The following PHB1 variants were observed in gnomAD, a reference collection of about 807,000 sequenced individuals.
PHB1 encodes prohibitin 1.
At chr17:49,405,091 C>T in the PHB1 span, 5 of 1,611,942 alleles carry the variant, frequency 3.1e-6, no homozygotes, top group East Asian at 8.9e-5. Context: ...CAGCTTCCAG[C>T]TTGCGCAGCT....
the PHB1 span, among the ~76,000 whole-genome samples, chr17:49,413,944 T>G: frequency 6.6e-6 from 1 of 152,064 alleles, no homozygotes. Context: ...CCTGGACAAG[T>G]AGGCCCCCAA....
chr17:49,411,488 G>A, the PHB1 span, among the ~76,000 whole-genome samples: 15 of 152,180 alleles, frequency 9.9e-5, no homozygotes, highest in South Asian at 2.3e-3. Flanking sequence ...ATGAACCACC[G>A]CACCCAGCCA....
At chr17:49,411,746 A>G in the PHB1 span, 8 of 1,614,032 alleles carry the variant, frequency 5.0e-6, no homozygotes, top group Non-Finnish European at 5.9e-6. Context: ...TGGTTTCTGT[A>G]CCCACGGGAT....
chr17:49,409,030 G>A, the PHB1 span: 27 of 1,552,342 alleles, frequency 1.7e-5, no homozygotes, highest in South Asian at 2.4e-5. Context: ...TCGGTCTCCC[G>A]AAGGATCTTA....
At chr17:49,413,342 G>GATTTTTT in the PHB1 span, 1 of 1,004,004 alleles carries the variant, frequency 1.0e-6, no homozygotes, top group Admixed American at 1.9e-5. Context: ...AATCCTCAGA[G>GATTTTTT]AAGGCCCTCT....
At chr17:49,411,895 G>A in the PHB1 span, 1 of 1,535,646 alleles carries the variant, frequency 6.5e-7, no homozygotes, top group Non-Finnish European at 8.9e-7. Flanking sequence ...TTAAACAAAA[G>A]GATCATGTCT....
At chr17:49,413,512 CTT>C in the PHB1 span, among the ~76,000 whole-genome samples, 6 of 124,728 alleles carry the variant, frequency 4.8e-5, no homozygotes, top group Admixed American at 8.0e-5. Flanking sequence ...CTTTTCTTTC[CTT>C]TTTTTTTTTT....
At chr17:49,405,134 T>C in the PHB1 span, 1 of 1,614,014 alleles carries the variant, frequency 6.2e-7, no homozygotes, top group South Asian at 1.1e-5. Context: ...GGCCAGTGAG[T>C]TGGCAATCAG....
chr17:49,410,174 C>G, the PHB1 span, among the ~76,000 whole-genome samples: 3 of 152,180 alleles, frequency 2.0e-5, no homozygotes, highest in Non-Finnish European at 4.4e-5. Flanking sequence ...TGAGCCATTA[C>G]GCCTGGCAAT....
chr17:49,405,303 C>A, the PHB1 span: 1 of 994,588 alleles, frequency 1.0e-6, no homozygotes. Flanking sequence ...TCCCAGGCTC[C>A]TGAAGGAACT....
chr17:49,408,918 T>C, the PHB1 span: 2 of 682,060 alleles, frequency 2.9e-6, no homozygotes, highest in Non-Finnish European at 5.2e-6. Context: ...TGTTTCCGTG[T>C]TTTCAAGTCT....
chr17:49,412,949 G>A, the PHB1 span: 1 of 479,908 alleles, frequency 2.1e-6, no homozygotes, highest in East Asian at 3.6e-5. Flanking sequence ...ACTAGGAAGT[G>A]GGCTGGGAAG....
chr17:49,406,731 G>A, the PHB1 span: 13 of 1,519,710 alleles, frequency 8.6e-6, no homozygotes, highest in African/African-American at 4.1e-5. Flanking sequence ...GGGAGAGAGA[G>A]GCTCCTGCCA....
chr17:49,409,189 G>A, the PHB1 span: 1 of 1,585,070 alleles, frequency 6.3e-7, no homozygotes, highest in African/African-American at 1.3e-5. Flanking sequence ...AGAAGGGCAG[G>A]TCAGGTTAAT....
chr17:49,409,565 G>C, the PHB1 span: 1 of 1,044,996 alleles, frequency 9.6e-7, no homozygotes, highest in South Asian at 1.5e-5. Flanking sequence ...TTTTGAGACA[G>C]GTTTTTGCTC....
At chr17:49,404,264 G>C in the PHB1 span, 4 of 152,674 alleles carry the variant, frequency 2.6e-5, no homozygotes, top group African/African-American at 4.8e-5. Context: ...GACCAAGGTG[G>C]GGGGTAGAGA....
the PHB1 span, chr17:49,409,574 T>C: frequency 1.0e-6 from 1 of 983,552 alleles, no homozygotes; most frequent in African/African-American, 1.7e-5. Context: ...AGGTTTTTGC[T>C]CTTGTTGCCT....
the PHB1 span, chr17:49,404,966 C>T: frequency 8.4e-5 from 125 of 1,483,570 alleles, no homozygotes; most frequent in Non-Finnish European, 1.1e-4. Flanking sequence ...CCAGTCAGCC[C>T]GCGGAGGTGC....
At chr17:49,412,373 C>G in the PHB1 span, 1 of 155,200 alleles carries the variant, frequency 6.4e-6, no homozygotes, top group Non-Finnish European at 1.4e-5. Flanking sequence ...CAATTTCTGT[C>G]TAGTTGCAGA....
Sources: gnomAD v4.1 joint callset for allele counts (sites outside exome capture counted in the v4.1 genomes callset) on GRCh38, gnomAD v4.1.1 for gene constraint, MANE v1.5 for transcripts, NCBI Gene and HGNC (gene_info 2026-07-23, HGNC 2026-07-21) for gene names.